The following KRT82 variants were observed in gnomAD, a reference collection of about 807,000 sequenced individuals.
The protein encoded by KRT82 is keratin 82, also known as keratin, type II cuticular Hb2.
In KRT82, 44 loss-of-function variants were observed where a neutral mutation model predicts 48.0. The ratio of observed to expected loss-of-function variants is 0.92; its 90% CI spans 0.72 to 1.18. The LOEUF (loss-of-function observed/expected upper bound fraction) is 1.18, where lower values mean the gene tolerates loss of function less well. KRT82 is among the 50% of genes most tolerant of loss of function. KRT82 has a pLI of 0.00. For missense variants in KRT82, 701 were observed against 671.4 expected, an observed-to-expected ratio of 1.04 and a Z score of -0.49; for synonymous variants, 297 against 278.3, an observed-to-expected ratio of 1.07 and a Z score of -0.67.
chr12:52,395,631 C>T, intron 8 of KRT82, 128 bp downstream of exon 8: 1 of 677,464 alleles, frequency 1.5e-6, no homozygotes, highest in South Asian at 2.0e-5. Flanking sequence ...GAGCTCACGG[C>T]AGACAGAGCT....
intron 5 of KRT82, among the ~76,000 whole-genome samples, chr12:52,399,223 C>G (rs1939754621): frequency 6.6e-6 from 1 of 152,224 alleles, no homozygotes; most frequent in African/African-American, 2.4e-5. Context: ...TAACATACAT[C>G]CACTGCACTT....
chr12:52,406,138 C>A lies in KRT82; in HGVS notation c.140G>T (p.Arg47Leu). 1 of 1,612,988 alleles carries A rather than the reference C, an allele frequency of 6.2e-7. No homozygotes were observed. Among genetic ancestry groups the A allele is most frequent in the Non-Finnish European group, 8.5e-7 (1 of 1,179,768 alleles). Residue 47 changes from arginine (R) to leucine (L), a missense_variant, in exon 1 of 9, where the codon CGA becomes CTA. By Grantham distance (102) the Arg-to-Leu change is moderately radical. Coordinates refer to ENST00000257974, the MANE Select transcript of KRT82 (RefSeq NM_033033.4). ...CCGTGAGCCAAGGCAGCCCAGAGCT[C>A]GGAGGCCCCTACCACCCCCGGGCCG... is the stretch of plus-strand genomic sequence containing the variant. ...PCRPGGGRGL[R>L]ALGCLGSRSL...
rs868326058 is a variant in KRT82, at chr12:52,397,913, G to T, written c.943-905C>A. On this transcript the variant is annotated intron_variant, in intron 5 of 8. Transcript: ENST00000257974. The stretch of plus-strand genomic sequence containing the variant: ...AATACACAAATTAGCTGAGTATGGT[G>T]GTGCATGCTTATAATCCCAGCTACT... 2.0e-5 allele frequency among the ~76,000 whole-genome samples: 3 copies of T among 152,238 alleles called. No homozygotes were observed. In the South Asian group the frequency reaches 6.2e-4, roughly 32 times the overall value.
intron 5 of KRT82, among the ~76,000 whole-genome samples, chr12:52,398,940 C>T (rs1010374805): frequency 2.0e-5 from 3 of 152,204 alleles, no homozygotes; most frequent in African/African-American, 7.2e-5. Context: ...ACCTGCTGCT[C>T]AGCCTGGCAC....
At position 52,403,700 on chromosome 12, in the gene KRT82, C is replaced by T. The variant is rs561644148; in HGVS notation, c.620+1G>A. ...GTGGGGTAAAAGCAGCACTGACTCA[C>T]TTTTTCTTGTAGCCCTCCAGTGCAG... On this transcript the variant is annotated splice_donor_variant, in intron 2 of 8. Transcript: ENST00000257974. LOFTEE classifies it high-confidence loss of function. The T allele has an allele frequency of 1.8e-5, 28 of 1,594,406 alleles. No homozygotes were observed. The highest frequency in any genetic ancestry group is 3.3e-5 in the Admixed American group (2 of 59,930).
intron 1 of KRT82, among the ~76,000 whole-genome samples, chr12:52,405,606 C>A (rs1436988578): frequency 6.6e-6 from 1 of 152,190 alleles, no homozygotes; most frequent in East Asian, 1.9e-4. Flanking sequence ...CCTCAGGCAA[C>A]CTTGGTGATT....
At chr12:52,395,567 T>C (rs1939701334) in intron 8 of KRT82, among the ~76,000 whole-genome samples, 192 bp downstream of exon 8, 1 of 152,150 alleles carries the variant, frequency 6.6e-6, no homozygotes, top group African/African-American at 2.4e-5. Flanking sequence ...TTGTTGCAAA[T>C]CTGCTCCTAG....
intron 1 of KRT82, among the ~76,000 whole-genome samples, chr12:52,404,643 A>G (rs1190770263): frequency 2.6e-5 from 4 of 152,208 alleles, no homozygotes; most frequent in East Asian, 3.9e-4. Flanking sequence ...AAAACTACAG[A>G]AGTATCATTG....
chr12:52,398,340 T>C (rs1378801166), intron 5 of KRT82, among the ~76,000 whole-genome samples: 1 of 152,082 alleles, frequency 6.6e-6, no homozygotes, highest in Admixed American at 6.5e-5. Context: ...ACCAAGAGGA[T>C]GGAGCATGTA....
In KRT82 at chr12:52,401,360, A is replaced by G; in HGVS notation, c.621-11T>C. 6.2e-7 allele frequency: 1 copy of G among 1,613,898 alleles called. No individual in the cohort carries two copies. The highest frequency in any genetic ancestry group is 1.3e-5 in the African/African-American group (1 of 75,026). Reference sequence around the variant, plus strand: ...AGCTCCTCTTCGTATCTGATGGAAAAGGCAGGAAAAAATGCTTTAGTCGGG... The same window carrying G: ...AGCTCCTCTTCGTATCTGATGGAAAGGGCAGGAAAAAATGCTTTAGTCGGG... On this transcript the variant is annotated splice_polypyrimidine_tract_variant and intron_variant, in intron 2 of 8. Coordinates refer to ENST00000257974, the MANE Select transcript of KRT82 (RefSeq NM_033033.4).
intron 2 of KRT82, 133 bp downstream of exon 2, chr12:52,403,568 A>G: frequency 1.5e-6 from 1 of 673,980 alleles, no homozygotes; most frequent in Non-Finnish European, 2.6e-6. Context: ...TGCTGACACC[A>G]TCCCACCTAA....
At chr12:52,403,244 A>G (rs2121482069) in intron 2 of KRT82, among the ~76,000 whole-genome samples, 1 of 152,272 alleles carries the variant, frequency 6.6e-6, no homozygotes. Context: ...GGGGTGAGAG[A>G]AAAGGTGGGC....
rs778681429 is a variant in KRT82 at position 52,396,247 on chromosome 12, C to T, written c.1069-15G>A. ...AGTTTGCAGCGCTGTGGGAGGGGCG[C>T]AGAAAAGCATCACTGGGGGCCCTGG... On this transcript the variant is annotated splice_polypyrimidine_tract_variant and intron_variant, in intron 6 of 8. Coordinates refer to ENST00000257974, the MANE Select transcript of KRT82 (RefSeq NM_033033.4). 7.5e-6 allele frequency: 12 copies of T among 1,603,956 alleles called. No homozygotes were observed. The highest frequency in any genetic ancestry group is 2.5e-6 in the Non-Finnish European group (3 of 1,176,880).
intron 3 of KRT82, 58 bp from the exon 4 acceptor site, chr12:52,400,680 TG>T: frequency 8.1e-7 from 1 of 1,232,654 alleles, no homozygotes; most frequent in South Asian, 1.2e-5. Flanking sequence ...GGCAAGCTGG[TG>T]GCAGGGGGAA....
chr12:52,405,446 G>A (rs1439566696), intron 1 of KRT82, among the ~76,000 whole-genome samples: 1 of 152,168 alleles, frequency 6.6e-6, no homozygotes, highest in Non-Finnish European at 1.5e-5. Context: ...AGGTCACAGT[G>A]TCCATCCTCA....
intron 8 of KRT82, 121 bp from the exon 9 acceptor site, chr12:52,395,316 A>T: frequency 1.3e-6 from 1 of 782,756 alleles, no homozygotes; most frequent in Non-Finnish European, 2.0e-6. Flanking sequence ...CAGACACCCC[A>T]TTCCAGCCTC....
intron 2 of KRT82, among the ~76,000 whole-genome samples, chr12:52,401,637 G>C (rs1939792373): frequency 6.6e-6 from 1 of 152,184 alleles, no homozygotes; most frequent in Admixed American, 6.5e-5. Context: ...TGCTGCTGAG[G>C]AGGTTCACTT....
intron 4 of KRT82, among the ~76,000 whole-genome samples, 184 bp downstream of exon 4, chr12:52,400,343 G>C (rs983192752): frequency 3.9e-5 from 6 of 152,326 alleles, no homozygotes; most frequent in Non-Finnish European, 7.4e-5. Flanking sequence ...TTTCCCAGAG[G>C]GGCCTGTGAG....
chr12:52,395,644 TC>T (rs1939701897), intron 8 of KRT82, 114 bp downstream of exon 8: 1 of 734,560 alleles, frequency 1.4e-6, no homozygotes. Context: ...ACAGAGCTCT[TC>T]CTTTGGGGTA....
Sources: allele counts gnomAD v4.1 joint callset (sites outside exome capture counted in the v4.1 genomes callset), GRCh38; gene constraint gnomAD v4.1.1; transcripts MANE v1.5; gene names NCBI Gene and HGNC (gene_info 2026-07-23, HGNC 2026-07-21).